The following SOX5 variants were observed in gnomAD, a reference collection of about 807,000 sequenced individuals.
The protein encoded by SOX5 is SRY-box transcription factor 5, also known as transcription factor SOX-5.
A neutral mutation model predicts 92.0 loss-of-function variants in SOX5; 9 were observed. That is an observed-to-expected ratio of 0.10 (90% CI 0.06 to 0.17). SOX5 has a LOEUF of 0.17. SOX5 is among the 10% of genes least tolerant of loss of function. The probability of loss-of-function intolerance (pLI) is 1.00; values close to 1 mark genes in which losing one functional copy is unlikely to be tolerated. For synonymous variants in SOX5, 344 were observed against 336.3 expected (o/e 1.02, Z -0.25); for missense variants, 642 against 944.5 (o/e 0.68, Z 4.20).
At chr12:24,276,659 T>C (rs951959138) in intron 3 of SOX5, among the ~76,000 whole-genome samples, 3 of 152,150 alleles carry the variant, frequency 2.0e-5, no homozygotes, top group African/African-American at 4.8e-5. Context: ...ATAACATTTT[T>C]GAAAAGACAA....
At chr12:23,651,281 T>A (rs144800612) in intron 7 of SOX5, among the ~76,000 whole-genome samples, 137 of 152,112 alleles carry the variant, frequency 9.0e-4, no homozygotes, top group African/African-American at 3.2e-3. Context: ...ACAACAACTC[T>A]TTAGGGTAGA....
intron 4 of SOX5, among the ~76,000 whole-genome samples, chr12:24,135,130 T>C (rs563117706): frequency 6.5e-4 from 99 of 152,320 alleles, no homozygotes; most frequent in African/African-American, 2.1e-3. Context: ...TTTATTGATG[T>C]CACTCTACCC....
intron 4 of SOX5, among the ~76,000 whole-genome samples, chr12:24,129,659 A>G (rs923566151): frequency 2.6e-5 from 4 of 152,184 alleles, no homozygotes; most frequent in African/African-American, 7.2e-5. Flanking sequence ...CAGATAATAA[A>G]TCGGAGCAGA....
intron 4 of SOX5, among the ~76,000 whole-genome samples, chr12:24,004,850 A>T (rs1951984808): frequency 6.6e-6 from 1 of 152,184 alleles, no homozygotes; most frequent in South Asian, 2.1e-4. Flanking sequence ...ACCAAAAAAA[A>T]TTGAAAAATA....
At chr12:23,950,908 G>A (rs1366148410), upstream of SOX5, 12 of 1,533,030 alleles carry the variant, frequency 7.8e-6, no homozygotes, top group South Asian at 8.3e-5. Context: ...CCCGTGCACC[G>A]CAGCATCTGG....
chr12:23,766,995 C>A (rs1407984841), intron 3 of SOX5, among the ~76,000 whole-genome samples: 2 of 152,114 alleles, frequency 1.3e-5, no homozygotes, highest in Non-Finnish European at 2.9e-5. Flanking sequence ...GAGAGACTCT[C>A]TTGAACCCAG....
At chr12:23,692,508 T>G (rs1053054173) in intron 6 of SOX5, among the ~76,000 whole-genome samples, 4 of 152,128 alleles carry the variant, frequency 2.6e-5, no homozygotes, top group Admixed American at 2.6e-4. Context: ...TTATTTGCAG[T>G]AAGCACTGTA....
At chr12:23,726,172 A>AGAGAGAGAGAGG (rs2093120837) in intron 6 of SOX5, among the ~76,000 whole-genome samples, 1 of 98,376 alleles carries the variant, frequency 1.0e-5, no homozygotes, top group Non-Finnish European at 2.1e-5. Context: ...AGAGAGAGAG[A>AGAGAGAGAGAGG]GAGGTCAGTT....
chr12:23,692,100 C>G (rs1362714978), intron 6 of SOX5, among the ~76,000 whole-genome samples: 1 of 152,002 alleles, frequency 6.6e-6, no homozygotes, highest in Non-Finnish European at 1.5e-5. Context: ...TATAAATTTC[C>G]TGCCTCCTAA....
At chr12:24,030,469 A>G (rs1294496840) in intron 4 of SOX5, among the ~76,000 whole-genome samples, 1 of 151,908 alleles carries the variant, frequency 6.6e-6, no homozygotes, top group Non-Finnish European at 1.5e-5. Flanking sequence ...AATGAATAGC[A>G]CTGGGGGTAA....
At chr12:23,674,220 G>C (rs986661804) in intron 6 of SOX5, among the ~76,000 whole-genome samples, 2 of 151,462 alleles carry the variant, frequency 1.3e-5, no homozygotes, top group Non-Finnish European at 2.9e-5. Context: ...TGATTATTCT[G>C]AGCAAAGTAT....
At chr12:23,713,542 G>A (rs2092244185) in intron 6 of SOX5, among the ~76,000 whole-genome samples, 1 of 151,884 alleles carries the variant, frequency 6.6e-6, no homozygotes, top group Non-Finnish European at 1.5e-5. Context: ...GAATTTGTGG[G>A]ATGTTGATTC....
At chr12:24,212,925 A>G (rs747857374) in intron 4 of SOX5, among the ~76,000 whole-genome samples, 14 of 152,192 alleles carry the variant, frequency 9.2e-5, no homozygotes, top group Non-Finnish European at 1.6e-4. Context: ...CAGAGAAGAG[A>G]AGAAACTCGA....
At chr12:24,010,484 C>A (rs1463393620) in intron 4 of SOX5, among the ~76,000 whole-genome samples, 1 of 152,094 alleles carries the variant, frequency 6.6e-6, no homozygotes, top group African/African-American at 2.4e-5. Flanking sequence ...TAGGAGGTAG[C>A]AGTTGCTTTG....
intron 2 of SOX5, among the ~76,000 whole-genome samples, chr12:24,325,738 T>A (rs183369746): frequency 1.5e-3 from 225 of 152,220 alleles, no homozygotes; most frequent in African/African-American, 5.1e-3. Flanking sequence ...TTGAAATAAA[T>A]CCCATAATTA....
At chr12:24,354,190 A>C (rs1177394475) in intron 2 of SOX5, among the ~76,000 whole-genome samples, 1 of 152,242 alleles carries the variant, frequency 6.6e-6, no homozygotes, top group Admixed American at 6.5e-5. Flanking sequence ...ATATCAGAAA[A>C]TGTTCTCCCA....
intron 2 of SOX5, among the ~76,000 whole-genome samples, chr12:24,281,185 C>A (rs991024987): frequency 2.0e-5 from 3 of 149,294 alleles, no homozygotes; most frequent in Non-Finnish European, 4.4e-5. Flanking sequence ...CATGAAATTT[C>A]CAGTTCAGTT....
chr12:24,295,469 A>G (rs1947105350), intron 2 of SOX5, among the ~76,000 whole-genome samples: 1 of 152,246 alleles, frequency 6.6e-6, no homozygotes, highest in South Asian at 2.1e-4. Flanking sequence ...AAGTGCAAAT[A>G]TATAAAGACT....
At chr12:23,969,781 A>G (rs747437825) in intron 4 of SOX5, among the ~76,000 whole-genome samples, 2 of 152,230 alleles carry the variant, frequency 1.3e-5, no homozygotes, top group Admixed American at 6.5e-5. Context: ...AAGTCATAAC[A>G]TCTGGAACAA....
Sources: gnomAD v4.1 joint callset for allele counts (sites outside exome capture counted in the v4.1 genomes callset) on GRCh38, gnomAD v4.1.1 for gene constraint, MANE v1.5 for transcripts, NCBI Gene and HGNC (gene_info 2026-07-23, HGNC 2026-07-21) for gene names.